ARHGEF4: variants seen among roughly 807,000 people sequenced by gnomAD.
The protein encoded by ARHGEF4 is Rho guanine nucleotide exchange factor 4.
A neutral mutation model predicts 162.0 loss-of-function variants in ARHGEF4; 119 were observed. The observed-to-expected ratio is 0.73, with a 90% CI of 0.63 to 0.86. The LOEUF is 0.86. Ranked by LOEUF, ARHGEF4 falls within the 40% of genes least tolerant of loss-of-function variation. The pLI is 0.00. For synonymous variants in ARHGEF4, 1,014 were observed against 979.9 expected, an observed-to-expected ratio of 1.03 and a Z score of -0.65; for missense variants, 2,488 against 2,456.0, an observed-to-expected ratio of 1.01 and a Z score of -0.28.
At chr2:131,044,655 G>A in intron 12 of ARHGEF4, 113 bp downstream of exon 12, 3 of 1,397,708 alleles carry the variant, frequency 2.1e-6, no homozygotes, top group Non-Finnish European at 2.8e-6. Flanking sequence ...GTTGCAGGGT[G>A]TAGCAAGGCT....
intron 5 of ARHGEF4, 133 bp downstream of exon 5, chr2:131,028,217 G>A (rs73000353): frequency 0.034 from 44,421 of 1,296,348 alleles, 1,684 homozygotes; most frequent in South Asian, 0.14. Context: ...CATACACAGC[G>A]CAGTTTCAGC....
At chr2:131,008,423 A>G (rs1688260473) in intron 4 of ARHGEF4, among the ~76,000 whole-genome samples, 1 of 152,060 alleles carries the variant, frequency 6.6e-6, no homozygotes, top group African/African-American at 2.4e-5. Context: ...GAATTTTCAC[A>G]AAGTAGATAT....
In ARHGEF4 at chr2:130,931,184, G is replaced by C. The variant is rs758730178; in HGVS notation, c.3785G>C (p.Arg1262Thr). Residue 1262 changes from arginine to threonine, a missense_variant, in exon 3 of 14, where the codon AGA (arginine) becomes ACA (threonine). Physicochemically the swap from Arg to Thr is moderately conservative, Grantham distance 71. Coordinates refer to ENST00000409359, the MANE Select transcript of ARHGEF4 (RefSeq NM_001367493.1). Reference protein sequence around the residue: ...VDDLWLEKTQRKKLQKQAHVE... With the variant: ...VDDLWLEKTQTKKLQKQAHVE... ...GACCTGTGGCTGGAGAAGACACAGA[G>C]AAAGAAGTTGCAGAAGCAGGCCCAC... 2 of 1,613,984 alleles carry C rather than the reference G, an allele frequency of 1.2e-6. No individual in the cohort carries two copies. Among genetic ancestry groups the C allele is most frequent in the East Asian group, 4.5e-5 (2 of 44,894 alleles).
chr2:130,893,556 C>T (rs887040574), intron 1 of ARHGEF4, among the ~76,000 whole-genome samples: 1 of 152,186 alleles, frequency 6.6e-6, no homozygotes, highest in African/African-American at 2.4e-5. Context: ...TGCTGGGAGC[C>T]GAGCATGGCT....
intron 1 of ARHGEF4, among the ~76,000 whole-genome samples, chr2:130,874,184 G>A (rs1378899997): frequency 3.3e-5 from 5 of 152,230 alleles, no homozygotes; most frequent in Non-Finnish European, 5.9e-5. Context: ...CGGAGGCTCA[G>A]TCCCTGCAGA....
intron 4 of ARHGEF4, among the ~76,000 whole-genome samples, chr2:130,978,641 C>T (rs369669935): frequency 2.6e-5 from 4 of 151,846 alleles, no homozygotes; most frequent in Non-Finnish European, 4.4e-5. Flanking sequence ...AGAATATTCA[C>T]GAATAGTTTA....
intron 1 of ARHGEF4, among the ~76,000 whole-genome samples, chr2:130,913,459 G>A: frequency 6.6e-6 from 1 of 152,184 alleles, no homozygotes; most frequent in East Asian, 1.9e-4. Context: ...ATCCCAAAAT[G>A]TGTTTGCAAC....
chr2:130,982,837 T>G (rs574238389), intron 4 of ARHGEF4, among the ~76,000 whole-genome samples: 164 of 152,204 alleles, frequency 1.1e-3, no homozygotes, highest in Non-Finnish European at 2.1e-3. Flanking sequence ...TTTAGATAAC[T>G]TCTGAATTAG....
chr2:130,855,055 T>A (rs1214328180), intron 1 of ARHGEF4, among the ~76,000 whole-genome samples: 1 of 151,616 alleles, frequency 6.6e-6, no homozygotes, highest in Non-Finnish European at 1.5e-5. Context: ...TTTTTTTGTA[T>A]TTTTAGTAGA....
rs547714840 is a variant in ARHGEF4 at position 130,891,534 on chromosome 2, G to A, written c.40-22452G>A. Among the ~76,000 whole-genome samples the A allele has an allele frequency of 1.1e-4, 16 of 152,236 alleles. No homozygotes were observed. In the South Asian group the frequency reaches 1.5e-3, roughly 14 times the overall value. ...CCATAACAACTAAATACCACAAACT[G>A]GGTGGTGTAAATAACAGAAATTTAT... On this transcript the variant is annotated intron_variant, in intron 1 of 13. Coordinates refer to ENST00000409359, the MANE Select transcript of ARHGEF4 (RefSeq NM_001367493.1).
chr2:131,035,638 T>A (rs1690219064), intron 5 of ARHGEF4: 1 of 990,436 alleles, frequency 1.0e-6, no homozygotes, highest in South Asian at 4.7e-5. Context: ...GTAGGTTGAG[T>A]CAGGTGTGTG....
chr2:130,981,209 C>T (rs1314285036), intron 4 of ARHGEF4, among the ~76,000 whole-genome samples: 1 of 152,086 alleles, frequency 6.6e-6, no homozygotes, highest in Non-Finnish European at 1.5e-5. Flanking sequence ...CAAAGATAGC[C>T]TGGGAATTCT....
At chr2:130,966,867 G>A (rs931530231) in intron 4 of ARHGEF4, among the ~76,000 whole-genome samples, 4 of 152,188 alleles carry the variant, frequency 2.6e-5, no homozygotes, top group African/African-American at 7.2e-5. Context: ...TGATCTGGGG[G>A]GTGCGCCCCA....
chr2:130,866,144 A>G (rs182938723), intron 1 of ARHGEF4, among the ~76,000 whole-genome samples: 3 of 152,216 alleles, frequency 2.0e-5, no homozygotes, highest in African/African-American at 7.2e-5. Flanking sequence ...TCTGAGGTGG[A>G]AGGATTGCTT....
intron 3 of ARHGEF4, among the ~76,000 whole-genome samples, chr2:130,943,867 G>C (rs930728531): frequency 2.0e-5 from 3 of 152,110 alleles, no homozygotes; most frequent in African/African-American, 7.2e-5. Context: ...TATTTACCCA[G>C]CTATTTATTA....
chr2:130,927,706 G>T (rs1282693706), intron 2 of ARHGEF4, among the ~76,000 whole-genome samples: 2 of 152,160 alleles, frequency 1.3e-5, no homozygotes, highest in African/African-American at 4.8e-5. Context: ...TATATATGCG[G>T]CAAAAGAAAA....
At chr2:130,923,885 CTT>C (rs11377085) in intron 2 of ARHGEF4, among the ~76,000 whole-genome samples, 2 of 140,980 alleles carry the variant, frequency 1.4e-5, no homozygotes, top group Admixed American at 7.2e-5. Context: ...CTTTTCTTTT[CTT>C]TTTTTTTTTT....
At position 131,029,038 on chromosome 2, in the gene ARHGEF4, TAGAGG is replaced by T. The variant is rs199594266; in HGVS notation, c.4125+955_4125+959del. Among the ~76,000 whole-genome samples the T allele has an allele frequency of 5.2e-3, 788 of 152,242 alleles. 6 individuals carry two copies. Among genetic ancestry groups the T allele is most frequent in the African/African-American group, 0.016 (684 of 41,552 alleles). On this transcript the variant is annotated intron_variant, in intron 5 of 13. Coordinates refer to ENST00000409359, the MANE Select transcript of ARHGEF4 (RefSeq NM_001367493.1). Reference sequence around the variant, plus strand: ...GAATCAAAGGCCCATGAACTCCTCCTAGAGGCCCAGCTCTAGATGATGATTTAAAA... The same window carrying T: ...GAATCAAAGGCCCATGAACTCCTCCTCCCAGCTCTAGATGATGATTTAAAA...
At chr2:130,985,038 G>C (rs1686390886) in intron 4 of ARHGEF4, among the ~76,000 whole-genome samples, 1 of 152,072 alleles carries the variant, frequency 6.6e-6, no homozygotes, top group Non-Finnish European at 1.5e-5. Context: ...TGCAGGGCTT[G>C]TTCAACCTGC....
Sources: allele counts gnomAD v4.1 joint callset (sites outside exome capture counted in the v4.1 genomes callset), GRCh38; gene constraint gnomAD v4.1.1; transcripts MANE v1.5; gene names NCBI Gene and HGNC (gene_info 2026-07-23, HGNC 2026-07-21).